The following LOC400499 variants were observed in gnomAD, a reference collection of about 807,000 sequenced individuals.
chr16:11,464,643 T>C, the LOC400499 span, among the ~76,000 whole-genome samples: 4 of 152,202 alleles, frequency 2.6e-5, no homozygotes, highest in South Asian at 4.1e-4. Flanking sequence ...TCATCTTGTA[T>C]TGGGTTACAG....
chr16:11,425,530 A>G, the LOC400499 span: 1 of 398,116 alleles, frequency 2.5e-6, no homozygotes, highest in Non-Finnish European at 4.4e-6. Flanking sequence ...AGAAGTTGCT[A>G]GATTCATGAT....
At chr16:11,516,691 A>T in the LOC400499 span, among the ~76,000 whole-genome samples, 2 of 152,218 alleles carry the variant, frequency 1.3e-5, no homozygotes, top group African/African-American at 4.8e-5. Flanking sequence ...TTTGTGGACC[A>T]GTCTCGCTCT....
chr16:11,396,309 G>A, the LOC400499 span: 1 of 436,952 alleles, frequency 2.3e-6, no homozygotes, highest in Non-Finnish European at 3.8e-6. Flanking sequence ...CTTGGCGCCA[G>A]GGCCAGGCCT....
At chr16:11,385,962 G>A in the LOC400499 span, among the ~76,000 whole-genome samples, 14 of 152,294 alleles carry the variant, frequency 9.2e-5, no homozygotes, top group South Asian at 8.3e-4. Context: ...CTTGAGCCCA[G>A]AAGGTCAAAG....
At chr16:11,373,188 G>C in the LOC400499 span, among the ~76,000 whole-genome samples, 8 of 152,222 alleles carry the variant, frequency 5.3e-5, no homozygotes, top group East Asian at 1.5e-3. Flanking sequence ...AGTACAGCAT[G>C]CAGTGGAGGC....
chr16:11,485,484 G>A, the LOC400499 span, among the ~76,000 whole-genome samples: 1 of 152,070 alleles, frequency 6.6e-6, no homozygotes, highest in Non-Finnish European at 1.5e-5. Flanking sequence ...GACCTCCCCT[G>A]GATGGGGGGG....
At chr16:11,436,936 C>T in the LOC400499 span, among the ~76,000 whole-genome samples, 1 of 152,032 alleles carries the variant, frequency 6.6e-6, no homozygotes, top group Non-Finnish European at 1.5e-5. Context: ...CTTAGATGAG[C>T]TGCTGAATAA....
At chr16:11,387,408 G>T in the LOC400499 span, 1 of 866,212 alleles carries the variant, frequency 1.2e-6, no homozygotes, top group Non-Finnish European at 1.5e-6. Context: ...GAGCATGAGG[G>T]TGCCTTTCAG....
the LOC400499 span, among the ~76,000 whole-genome samples, chr16:11,462,743 C>T: frequency 6.6e-6 from 1 of 152,120 alleles, no homozygotes; most frequent in African/African-American, 2.4e-5. Context: ...TTTTTAAACT[C>T]TGGATTTCTC....
the LOC400499 span, among the ~76,000 whole-genome samples, chr16:11,483,708 TTA>T: frequency 6.9e-6 from 1 of 145,224 alleles, no homozygotes; most frequent in Non-Finnish European, 1.5e-5. Context: ...TGTACAACTT[TTA>T]AAAAAAAAAA....
At chr16:11,517,663 G>A in the LOC400499 span, among the ~76,000 whole-genome samples, 1 of 152,158 alleles carries the variant, frequency 6.6e-6, no homozygotes, top group Non-Finnish European at 1.5e-5. Flanking sequence ...CTTCTTGGGG[G>A]ATATCACACA....
the LOC400499 span, chr16:11,393,649 G>T: frequency 9.1e-7 from 1 of 1,100,972 alleles, no homozygotes; most frequent in Non-Finnish European, 1.2e-6. Flanking sequence ...GAAGAGGCTG[G>T]CTGGGGAGGC....
At chr16:11,489,961 A>G in the LOC400499 span, among the ~76,000 whole-genome samples, 5 of 152,244 alleles carry the variant, frequency 3.3e-5, no homozygotes, top group Non-Finnish European at 7.3e-5. Flanking sequence ...AAAAGACCAG[A>G]AACAGCCTAA....
chr16:11,504,371 C>T, the LOC400499 span, among the ~76,000 whole-genome samples: 281 of 152,186 alleles, frequency 1.8e-3, no homozygotes, highest in Non-Finnish European at 3.6e-3. Flanking sequence ...GCATGGCCAA[C>T]ATGGTGAAAC....
At chr16:11,472,787 A>T in the LOC400499 span, 3 of 152,116 alleles carry the variant, frequency 2.0e-5, no homozygotes, top group Non-Finnish European at 2.9e-5. Flanking sequence ...GAGCAGCACC[A>T]GGCCTACAGT....
At chr16:11,435,190 C>A in the LOC400499 span, among the ~76,000 whole-genome samples, 1 of 151,922 alleles carries the variant, frequency 6.6e-6, no homozygotes. Context: ...GTTGTCCAGA[C>A]TGGTCTTGAA....
At chr16:11,494,471 A>C in the LOC400499 span, 2 of 390,846 alleles carry the variant, frequency 5.1e-6, no homozygotes, top group African/African-American at 2.1e-5. Flanking sequence ...GGAAGGGGCA[A>C]AGGGGGGAAC....
chr16:11,511,291 C>G, the LOC400499 span, among the ~76,000 whole-genome samples: 1 of 152,116 alleles, frequency 6.6e-6, no homozygotes, highest in Non-Finnish European at 1.5e-5. Flanking sequence ...GCCACTGTGC[C>G]CAGCTGACCA....
At chr16:11,387,757 G>C in the LOC400499 span, among the ~76,000 whole-genome samples, 5 of 151,934 alleles carry the variant, frequency 3.3e-5, no homozygotes, top group Non-Finnish European at 7.4e-5. Flanking sequence ...CCAAGTAGCT[G>C]GGACTACCAG....
Sources: gnomAD v4.1 joint callset for allele counts (sites outside exome capture counted in the v4.1 genomes callset) on GRCh38, gnomAD v4.1.1 for gene constraint, MANE v1.5 for transcripts.